Variants in PTPRD observed in about 807,000 individuals in gnomAD.
PTPRD encodes the protein protein tyrosine phosphatase receptor type D.
Under a neutral mutation model 214.5 loss-of-function variants are expected in PTPRD, and 34 were observed. That is an observed-to-expected ratio of 0.16 (90% CI 0.12 to 0.21). The LOEUF (loss-of-function observed/expected upper bound fraction) is 0.21, where lower values mean the gene tolerates loss of function less well. Ranked by LOEUF, PTPRD falls within the 10% of genes least tolerant of loss-of-function variation. The pLI, the probability that PTPRD is intolerant of heterozygous loss-of-function variation, is 1.00. For synonymous variants in PTPRD, 1,128 were observed against 845.7 expected (o/e 1.33, Z -5.79); for missense variants, 2,545 against 2,398.7 (o/e 1.06, Z -1.27).
chr9:10,281,593 T>A (rs1297047612), intron 3 of PTPRD, among the ~76,000 whole-genome samples: 5 of 152,188 alleles, frequency 3.3e-5, no homozygotes, highest in Non-Finnish European at 2.9e-5. Context: ...TTGGATGTAA[T>A]CCCAATTGAA....
At chr9:9,647,206 T>C (rs1564290072) in intron 7 of PTPRD, among the ~76,000 whole-genome samples, 1 of 152,196 alleles carries the variant, frequency 6.6e-6, no homozygotes, top group Admixed American at 6.5e-5. Context: ...TCCATTCATT[T>C]CCTTCTCAAA....
At chr9:10,102,101 A>T (rs1038610763) in intron 3 of PTPRD, among the ~76,000 whole-genome samples, 1 of 151,794 alleles carries the variant, frequency 6.6e-6, no homozygotes, top group Non-Finnish European at 1.5e-5. Context: ...ATACAAATGC[A>T]TATAATAACA....
At chr9:8,773,666 T>C (rs566093063) in intron 11 of PTPRD, among the ~76,000 whole-genome samples, 1 of 152,336 alleles carries the variant, frequency 6.6e-6, no homozygotes, top group South Asian at 2.1e-4. Flanking sequence ...TTCCCATCAT[T>C]AAAATAAATT....
chr9:9,193,763 T>C (rs2099936649), intron 9 of PTPRD, among the ~76,000 whole-genome samples: 2 of 152,092 alleles, frequency 1.3e-5, no homozygotes, highest in African/African-American at 4.8e-5. Flanking sequence ...CCTGGGTGAG[T>C]CTGTGAGCGA....
At chr9:9,959,524 C>T (rs2094198346) in intron 4 of PTPRD, among the ~76,000 whole-genome samples, 1 of 152,056 alleles carries the variant, frequency 6.6e-6, no homozygotes. Context: ...TTGGATGATC[C>T]TAGAAAAACT....
At chr9:9,954,789 T>C (rs2093768399) in intron 4 of PTPRD, among the ~76,000 whole-genome samples, 1 of 152,100 alleles carries the variant, frequency 6.6e-6, no homozygotes, top group African/African-American at 2.4e-5. Flanking sequence ...CAGTAATAGA[T>C]ACAAGTAACT....
rs71317383 is a variant in PTPRD at position 8,933,340 on chromosome 9, G to GTTTTTTTTTTTTTTTTTTTTTTTTTTT, written c.-104+85356_-104+85357insAAAAAAAAAAAAAAAAAAAAAAAAAAA. On this transcript the variant is annotated intron_variant, in intron 11 of 45. Transcript: ENST00000381196. ...CCATCTTGCCAGCCACAACCTTGAGGTTTTTTTTTTTTTTTTTTTTTTTAC... is the reference window on the plus strand; with the variant it reads ...CCATCTTGCCAGCCACAACCTTGAGGTTTTTTTTTTTTTTTTTTTTTTTTTTTTTTTTTTTTTTTTTTTTTTTTTTAC... Among the ~76,000 whole-genome samples, 106 of 80,402 alleles carry GTTTTTTTTTTTTTTTTTTTTTTTTTTT rather than the reference G, an allele frequency of 1.3e-3. 15 individuals carry two copies. The highest frequency in any genetic ancestry group is 8.8e-3 in the Middle Eastern group (1 of 114). The allele number at this position is 80,402 out of a possible 152,430, so 52.7% of individuals were successfully genotyped here.
rs554668596 is a variant in PTPRD at position 8,479,124 on chromosome 9, C to T, written c.3413+4995G>A. Among the ~76,000 whole-genome samples, 242 of 152,280 alleles carry T rather than the reference C, an allele frequency of 1.6e-3. 1 individual carries two copies. The highest frequency in any genetic ancestry group is 5.4e-3 in the African/African-American group (226 of 41,548). Reference sequence around the variant, plus strand: ...TCCTAATTTCTAAACTTGCCAACCACGGCAAGTGACACAGCATGGCACGGA... The same window carrying T: ...TCCTAATTTCTAAACTTGCCAACCATGGCAAGTGACACAGCATGGCACGGA... On this transcript the variant is annotated intron_variant, in intron 30 of 45. Transcript: ENST00000381196.
In PTPRD at chr9:9,937,907, A is replaced by G. The variant is rs74491444; in HGVS notation, c.-368+600T>C. 7.5e-3 allele frequency among the ~76,000 whole-genome samples: 1,149 copies of G among 152,328 alleles called. 7 individuals are homozygous for G. Among genetic ancestry groups the G allele is most frequent in the Middle Eastern group, 0.014 (4 of 294 alleles). ...AATGTTTCTACATGATGTGATTAAT[A>G]TATTCTGGCTATGGATTTCTGAAGG... On this transcript the variant is annotated intron_variant, in intron 5 of 45. Coordinates refer to ENST00000381196, the MANE Select transcript of PTPRD (RefSeq NM_002839.4).
chr9:10,263,267 C>A (rs1257706239), intron 3 of PTPRD, among the ~76,000 whole-genome samples: 1 of 152,100 alleles, frequency 6.6e-6, no homozygotes, highest in Non-Finnish European at 1.5e-5. Flanking sequence ...GAGTAACAGG[C>A]AGAGGTTGAA....
intron 10 of PTPRD, among the ~76,000 whole-genome samples, chr9:9,134,713 A>G (rs1039413521): frequency 2.6e-5 from 4 of 152,138 alleles, no homozygotes; most frequent in African/African-American, 9.6e-5. Flanking sequence ...ACTTTTCATC[A>G]TCTGACTTGC....
intron 8 of PTPRD, among the ~76,000 whole-genome samples, chr9:9,399,541 G>C (rs189632481): frequency 6.6e-6 from 1 of 152,040 alleles, no homozygotes; most frequent in Non-Finnish European, 1.5e-5. Context: ...AAAGTGTTCT[G>C]ATATGGCTTG....
chr9:9,745,817 A>G (rs1269548819), intron 6 of PTPRD, among the ~76,000 whole-genome samples: 1 of 152,084 alleles, frequency 6.6e-6, no homozygotes, highest in African/African-American at 2.4e-5. Context: ...TGCTTTTCAT[A>G]TAGTATATAG....
intron 11 of PTPRD, among the ~76,000 whole-genome samples, chr9:8,964,190 GTGTTTTTTTTTT>G (rs2099175028): frequency 5.7e-5 from 3 of 52,950 alleles, no homozygotes; most frequent in African/African-American, 2.1e-4. Context: ...GTTCAGGGCT[GTGTTTTTTTTTT>G]TTTTTTTTTT....
Position 8,528,693 on chromosome 9 carries a change from A to G in PTPRD, c.439T>C (p.Cys147Arg). 6.2e-7 allele frequency: 1 copy of G among 1,613,740 alleles called. No homozygotes were observed. Among genetic ancestry groups the G allele is most frequent in the East Asian group, 2.2e-5 (1 of 44,860 alleles). ...VERTRTATML[C>R]AASGNPDPEI... ...GGATCCGGATTACCACTGGCTGCAC[A>G]AAGCATGGTGGCCGTGCGAGTACGC... Residue 147 changes from cysteine to arginine, a missense_variant, in exon 15 of 46, where the codon TGT becomes CGT. Coordinates refer to ENST00000381196, the MANE Select transcript of PTPRD (RefSeq NM_002839.4).
chr9:9,951,607 G>T (rs760740744), intron 4 of PTPRD, among the ~76,000 whole-genome samples: 1 of 152,156 alleles, frequency 6.6e-6, no homozygotes, highest in Non-Finnish European at 1.5e-5. Context: ...GGGCATACAT[G>T]GATATTATCT....
intron 2 of PTPRD, among the ~76,000 whole-genome samples, chr9:10,539,234 G>A (rs1264213175): frequency 6.6e-6 from 1 of 152,104 alleles, no homozygotes; most frequent in Admixed American, 6.6e-5. Context: ...GCCCAGGTTG[G>A]AGTGCAGTGG....
rs981748487 is a variant in PTPRD at position 9,451,889 on chromosome 9, G to A, written c.-236-54407C>T. Among the ~76,000 whole-genome samples the A allele has an allele frequency of 2.6e-5, 4 of 151,390 alleles. No individual in the cohort carries two copies. In the East Asian group the frequency reaches 5.8e-4, roughly 22 times the overall value. On this transcript the variant is annotated intron_variant, in intron 8 of 45. Transcript: ENST00000381196. ...TGAATGAGAAAAAATTCATTACAGA[G>A]AGAAGAGGAGATGAATAGTTTGAAA...
At chr9:10,135,320 T>C (rs1198842685) in intron 3 of PTPRD, among the ~76,000 whole-genome samples, 3 of 152,126 alleles carry the variant, frequency 2.0e-5, no homozygotes, top group East Asian at 3.9e-4. Flanking sequence ...ATACAGTCCA[T>C]ACAAGTTTTC....
Sources: gnomAD v4.1 joint callset for allele counts (sites outside exome capture counted in the v4.1 genomes callset) on GRCh38, gnomAD v4.1.1 for gene constraint, MANE v1.5 for transcripts, NCBI Gene and HGNC (gene_info 2026-07-23, HGNC 2026-07-21) for gene names.